RBFOX1: variants seen among roughly 807,000 people sequenced by gnomAD.
The protein encoded by RBFOX1 is RNA binding protein fox-1 homolog 1.
In RBFOX1, 8 loss-of-function variants were observed where a neutral mutation model predicts 57.7. That is an observed-to-expected ratio of 0.14 (90% CI 0.08 to 0.25). The LOEUF (loss-of-function observed/expected upper bound fraction) is 0.25. Ranked by LOEUF, RBFOX1 falls within the 10% of genes least tolerant of loss-of-function variation. The probability of loss-of-function intolerance (pLI) is 1.00; values close to 1 mark genes in which losing one functional copy is unlikely to be tolerated. For synonymous variants in RBFOX1, 326 were observed against 222.4 expected (o/e 1.47, Z -4.15); for missense variants, 611 against 548.5 (o/e 1.11, Z -1.14).
chr16:6,649,296 G>T (rs912131008), intron 2 of RBFOX1, among the ~76,000 whole-genome samples: 1 of 152,116 alleles, frequency 6.6e-6, no homozygotes. Context: ...GGCTGAAATG[G>T]TATTCTGTTG....
chr16:7,631,784 A>T (rs975204951), intron 11 of RBFOX1, among the ~76,000 whole-genome samples: 1 of 152,212 alleles, frequency 6.6e-6, no homozygotes, highest in African/African-American at 2.4e-5. Context: ...TGTGAAGCTG[A>T]GGAAAACCAA....
intron 4 of RBFOX1, among the ~76,000 whole-genome samples, chr16:7,115,280 A>T (rs2065642302): frequency 6.6e-6 from 1 of 152,120 alleles, no homozygotes; most frequent in Non-Finnish European, 1.5e-5. Flanking sequence ...TCATGGAAAA[A>T]TGTATTTTTG....
At chr16:6,649,944 GC>G (rs1283196237) in intron 2 of RBFOX1, among the ~76,000 whole-genome samples, 1 of 152,144 alleles carries the variant, frequency 6.6e-6, no homozygotes, top group Non-Finnish European at 1.5e-5. Context: ...CCATATTTTT[GC>G]CACTGTGAAT....
intron 3 of RBFOX1, among the ~76,000 whole-genome samples, chr16:6,927,200 T>A (rs930457069): frequency 1.3e-5 from 2 of 151,806 alleles, no homozygotes; most frequent in Non-Finnish European, 2.9e-5. Context: ...GGGATTTCAT[T>A]TTTTAACGAA....
intron 1 of RBFOX1, among the ~76,000 whole-genome samples, chr16:6,180,160 C>T (rs1429002299): frequency 6.6e-6 from 1 of 152,096 alleles, no homozygotes; most frequent in Non-Finnish European, 1.5e-5. Context: ...AGATTTCTTC[C>T]TCTTCTATTC....
intron 2 of RBFOX1, among the ~76,000 whole-genome samples, chr16:6,646,155 T>TA (rs2037510140): frequency 6.6e-6 from 1 of 152,152 alleles, no homozygotes; most frequent in African/African-American, 2.4e-5. Flanking sequence ...CTGAAGTACT[T>TA]ACTTGACGAG....
intron 3 of RBFOX1, among the ~76,000 whole-genome samples, chr16:5,793,787 ATG>A (rs1399592187): frequency 4.0e-5 from 6 of 150,660 alleles, no homozygotes; most frequent in East Asian, 3.9e-4. Flanking sequence ...GTGCATGTGC[ATG>A]TGTGTGTGAG....
intron 4 of RBFOX1, among the ~76,000 whole-genome samples, chr16:7,117,778 G>T (rs1434414133): frequency 6.6e-6 from 1 of 152,142 alleles, no homozygotes; most frequent in Non-Finnish European, 1.5e-5. Flanking sequence ...TGCAGTCAGG[G>T]TATCAGCCAG....
At chr16:7,291,734 A>ACCAT (rs2095779608) in intron 4 of RBFOX1, among the ~76,000 whole-genome samples, 1 of 151,862 alleles carries the variant, frequency 6.6e-6, no homozygotes, top group Non-Finnish European at 1.5e-5. Flanking sequence ...CCTGAGATGC[A>ACCAT]GCCTGTGAGG....
intron 1 of RBFOX1, among the ~76,000 whole-genome samples, chr16:5,444,841 C>T (rs1381238941): frequency 6.6e-6 from 1 of 152,134 alleles, no homozygotes; most frequent in Non-Finnish European, 1.5e-5. Context: ...TCTTATAGGT[C>T]CAGGATAGCT....
chr16:6,440,754 T>C (rs1343017872), intron 2 of RBFOX1, among the ~76,000 whole-genome samples: 10 of 147,212 alleles, frequency 6.8e-5, no homozygotes, highest in Non-Finnish European at 1.2e-4. Context: ...TGAGCCGAGA[T>C]CGTGCCAGTG....
At chr16:5,961,899 C>T (rs145269764) in intron 4 of RBFOX1, among the ~76,000 whole-genome samples, 3 of 152,182 alleles carry the variant, frequency 2.0e-5, no homozygotes, top group African/African-American at 4.8e-5. Context: ...CTCCAAATAA[C>T]AGTAAATTAA....
intron 3 of RBFOX1, among the ~76,000 whole-genome samples, chr16:6,970,917 C>T (rs930331242): frequency 6.6e-6 from 1 of 152,158 alleles, no homozygotes; most frequent in Admixed American, 6.5e-5. Flanking sequence ...CTGTGCTGTT[C>T]CATTTGTCTG....
chr16:5,445,023 T>TGGTGGG (rs768463853), intron 1 of RBFOX1, among the ~76,000 whole-genome samples: 7 of 152,168 alleles, frequency 4.6e-5, no homozygotes, highest in Non-Finnish European at 1.0e-4. Flanking sequence ...GTTTTTCTTC[T>TGGTGGG]GGTGGGCTTT....
chr16:5,478,229 G>T (rs1001293423), intron 2 of RBFOX1, among the ~76,000 whole-genome samples: 3 of 151,660 alleles, frequency 2.0e-5, no homozygotes, highest in African/African-American at 7.3e-5. Flanking sequence ...ACTAGCGAAG[G>T]GAGTTTGATT....
chr16:7,226,364 A>G (rs2093121009), intron 4 of RBFOX1, among the ~76,000 whole-genome samples: 1 of 152,202 alleles, frequency 6.6e-6, no homozygotes, highest in Admixed American at 6.5e-5. Context: ...CCACCTGAAG[A>G]GGGAAGGAAT....
intron 2 of RBFOX1, chr16:6,483,971 C>G (rs938181313): frequency 1.1e-5 from 11 of 1,021,876 alleles, no homozygotes; most frequent in Non-Finnish European, 7.1e-6. Context: ...AGGGCTCGCC[C>G]TGGGTGCCCC....
rs973830768 is a variant in RBFOX1 at position 5,666,368 on chromosome 16, C to T, written c.318+67407C>T. On this transcript the variant is annotated intron_variant, in intron 3 of 19. Transcript: ENST00000641259. ...CAATTCCTCAGCACAGTGAACAGAG[C>T]TCACGGGAGCCTCTGGGAAGATTAC... Among the ~76,000 whole-genome samples, 6 of 152,296 alleles carry T rather than the reference C, an allele frequency of 3.9e-5. 1 individual carries two copies. In the South Asian group the frequency reaches 1.0e-3, roughly 26 times the overall value.
intron 2 of RBFOX1, among the ~76,000 whole-genome samples, chr16:5,542,635 C>T (rs1171569848): frequency 1.3e-5 from 2 of 152,168 alleles, no homozygotes; most frequent in East Asian, 1.9e-4. Context: ...TTTAAGTAAA[C>T]AAAAAGACCA....
Sources: allele counts gnomAD v4.1 joint callset (sites outside exome capture counted in the v4.1 genomes callset), GRCh38; gene constraint gnomAD v4.1.1; transcripts MANE v1.5; gene names NCBI Gene and HGNC (gene_info 2026-07-23, HGNC 2026-07-21).